CADM2: variants seen among roughly 807,000 people sequenced by gnomAD.
CADM2 encodes cell adhesion molecule 2.
In CADM2, 12 loss-of-function variants were observed where a neutral mutation model predicts 49.8. The ratio of observed to expected loss-of-function variants is 0.24; its 90% CI spans 0.15 to 0.39. CADM2 has a LOEUF of 0.39. Ranked by LOEUF, CADM2 falls within the 10% of genes least tolerant of loss-of-function variation. The pLI is 1.00. For synonymous variants in CADM2, 214 were observed against 175.4 expected (o/e 1.22, Z -1.74); for missense variants, 378 against 492.3 (o/e 0.77, Z 2.20).
In CADM2 at chr3:85,594,989, A is replaced by T. The variant is rs187527232; in HGVS notation, c.62-131533A>T. On this transcript the variant is annotated intron_variant, in intron 1 of 9. Transcript: ENST00000383699. ...CTAGACAGCAGCCCAGCTTTCATTT[A>T]TTAGGACTCTGGGAAAATAAATTTA... 7.5e-3 allele frequency among the ~76,000 whole-genome samples: 1,141 copies of T among 152,166 alleles called. 19 individuals carry two copies. Among genetic ancestry groups the T allele is most frequent in the African/African-American group, 0.026 (1,101 of 41,548 alleles).
intron 1 of CADM2, among the ~76,000 whole-genome samples, chr3:85,195,730 G>A (rs891582551): frequency 1.3e-5 from 2 of 151,816 alleles, no homozygotes; most frequent in African/African-American, 4.8e-5. Context: ...TTTATAGAAA[G>A]TTTCTTTTAT....
chr3:85,978,513 C>T (rs1727071133), intron 8 of CADM2, among the ~76,000 whole-genome samples: 3 of 151,446 alleles, frequency 2.0e-5, no homozygotes, highest in African/African-American at 7.3e-5. Flanking sequence ...CTCCTAGGTA[C>T]TGCAAAATTA....
intron 1 of CADM2, among the ~76,000 whole-genome samples, chr3:85,094,898 T>A (rs1484864519): frequency 1.3e-5 from 2 of 152,096 alleles, no homozygotes; most frequent in South Asian, 2.1e-4. Flanking sequence ...CACATGAGAA[T>A]GTTTTTAAAA....
chr3:85,191,495 GA>G (rs966843692), intron 1 of CADM2, among the ~76,000 whole-genome samples: 4 of 151,892 alleles, frequency 2.6e-5, no homozygotes, highest in Non-Finnish European at 4.4e-5. Context: ...ACTTTTAGAT[GA>G]AAAAAATTGG....
intron 1 of CADM2, 175 bp from the exon 2 acceptor site, chr3:85,726,347 C>T (rs1187029573): frequency 1.5e-6 from 1 of 664,556 alleles, no homozygotes; most frequent in South Asian, 1.9e-5. Context: ...GGATCTTACT[C>T]ATAACACTAA....
intron 1 of CADM2, among the ~76,000 whole-genome samples, chr3:85,229,443 C>A (rs752330668): frequency 6.6e-6 from 1 of 152,172 alleles, no homozygotes; most frequent in African/African-American, 2.4e-5. Flanking sequence ...TGCTTCAACT[C>A]GCCCTCGGTG....
At chr3:85,843,928 C>A (rs2074758126) in intron 3 of CADM2, among the ~76,000 whole-genome samples, 1 of 151,888 alleles carries the variant, frequency 6.6e-6, no homozygotes, top group Non-Finnish European at 1.5e-5. Flanking sequence ...AAAAACAAAC[C>A]TGATGCTCTT....
intron 1 of CADM2, among the ~76,000 whole-genome samples, chr3:84,999,435 C>T (rs2033342642): frequency 6.6e-6 from 1 of 152,096 alleles, no homozygotes; most frequent in African/African-American, 2.4e-5. Flanking sequence ...TTATCTAACA[C>T]AGATATTTTC....
rs117855831 is a variant in CADM2 at position 85,130,704 on chromosome 3, A to C, written c.61+171036A>C. 2.0e-5 allele frequency among the ~76,000 whole-genome samples: 3 copies of C among 152,316 alleles called. No individual in the cohort carries two copies. The East Asian group carries it at 5.8e-4, about 29-fold the overall frequency. ...AATTAATTATAGGCTCTTAAAATCCATTGATTTTGTAAGTAGACTTCTATT... is the reference window on the plus strand; with the variant it reads ...AATTAATTATAGGCTCTTAAAATCCCTTGATTTTGTAAGTAGACTTCTATT... On this transcript the variant is annotated intron_variant, in intron 1 of 9. Transcript: ENST00000383699.
intron 1 of CADM2, among the ~76,000 whole-genome samples, chr3:85,379,789 C>T (rs555832541): frequency 6.6e-6 from 1 of 152,070 alleles, no homozygotes; most frequent in African/African-American, 2.4e-5. Context: ...TTTTGGTGCT[C>T]CATTAAATTC....
chr3:85,618,420 G>C (rs376939601), intron 1 of CADM2, among the ~76,000 whole-genome samples: 2 of 151,694 alleles, frequency 1.3e-5, no homozygotes, highest in Admixed American at 6.6e-5. Flanking sequence ...TAACGAAACA[G>C]AAAAAAAAGA....
intron 1 of CADM2, among the ~76,000 whole-genome samples, chr3:85,507,319 C>G (rs1460424661): frequency 6.6e-6 from 1 of 151,566 alleles, no homozygotes; most frequent in Non-Finnish European, 1.5e-5. Context: ...TCCCAAGTAA[C>G]TGGGGCTATA....
chr3:86,044,234 T>C (rs908887297), intron 8 of CADM2, among the ~76,000 whole-genome samples: 3 of 152,016 alleles, frequency 2.0e-5, no homozygotes, highest in African/African-American at 7.2e-5. Context: ...ACTAAAGAGC[T>C]TCTGCACAGC....
chr3:85,810,925 G>A (rs11926524), intron 3 of CADM2, among the ~76,000 whole-genome samples: 29,648 of 152,020 alleles, frequency 0.2, 3,147 homozygotes, highest in African/African-American at 0.24. Flanking sequence ...GAAAATCTTC[G>A]GTTGTGGATT....
In CADM2 at chr3:85,368,743, A is replaced by C. The variant is rs188577476; in HGVS notation, c.62-357779A>C. On this transcript the variant is annotated intron_variant, in intron 1 of 9. Coordinates refer to ENST00000383699, the MANE Select transcript of CADM2 (RefSeq NM_001167675.2). ...CTGGCAGGAAAAATAATACGTTTCT[A>C]ACTATTTTTGTGTAACATTTAAATG... 5.7e-3 allele frequency among the ~76,000 whole-genome samples: 862 copies of C among 152,208 alleles called. 6 individuals are homozygous for C. The highest frequency in any genetic ancestry group is 0.016 in the South Asian group (75 of 4,824).
chr3:85,633,377 A>T (rs1303699705), intron 1 of CADM2, among the ~76,000 whole-genome samples: 1 of 152,068 alleles, frequency 6.6e-6, no homozygotes, highest in Non-Finnish European at 1.5e-5. Flanking sequence ...CTTATATTGG[A>T]AAAGTATGAA....
chr3:85,395,296 C>CAAAAAAAAAAAAA (rs58315220), intron 1 of CADM2, among the ~76,000 whole-genome samples: 11 of 75,548 alleles, frequency 1.5e-4, no homozygotes, highest in Non-Finnish European at 2.5e-4. Context: ...AGACTCCATA[C>CAAAAAAAAAAAAA]AAAAAAAAAA....
chr3:85,353,122 AT>A (rs1382989853), intron 1 of CADM2, among the ~76,000 whole-genome samples: 3 of 152,018 alleles, frequency 2.0e-5, no homozygotes, highest in African/African-American at 7.2e-5. Flanking sequence ...AGCTTGGATT[AT>A]TTTTTCTTAT....
intron 1 of CADM2, among the ~76,000 whole-genome samples, chr3:85,170,494 A>C (rs777838557): frequency 6.6e-6 from 1 of 151,830 alleles, no homozygotes; most frequent in African/African-American, 2.4e-5. Context: ...GCCCGCCACC[A>C]CGCCCGGCTA....
Sources: gnomAD v4.1 joint callset for allele counts (sites outside exome capture counted in the v4.1 genomes callset) on GRCh38, gnomAD v4.1.1 for gene constraint, MANE v1.5 for transcripts, NCBI Gene and HGNC (gene_info 2026-07-23, HGNC 2026-07-21) for gene names.